The following GPR155 variants were observed in gnomAD, a reference collection of about 807,000 sequenced individuals.
The protein encoded by GPR155 is G protein-coupled receptor 155.
A neutral mutation model predicts 93.1 loss-of-function variants in GPR155; 65 were observed. That is an observed-to-expected ratio of 0.70 (90% CI 0.57 to 0.86). The LOEUF (loss-of-function observed/expected upper bound fraction) is 0.86. Ranked by LOEUF, GPR155 falls within the 40% of genes least tolerant of loss-of-function variation. GPR155 has a pLI of 0.00. For synonymous variants in GPR155, 319 were observed against 360.1 expected, an observed-to-expected ratio of 0.89 and a Z score of 1.29; for missense variants, 838 against 1,034.8, an observed-to-expected ratio of 0.81 and a Z score of 2.61.
chr2:174,480,187 A>T (rs1456225469), intron 2 of GPR155, among the ~76,000 whole-genome samples: 1 of 152,206 alleles, frequency 6.6e-6, no homozygotes, highest in African/African-American at 2.4e-5. Flanking sequence ...ATCATCAGAG[A>T]GGCCTTCATT....
At chr2:174,439,210 TCA>T (rs921970059) in intron 15 of GPR155, among the ~76,000 whole-genome samples, 1 of 152,180 alleles carries the variant, frequency 6.6e-6, no homozygotes, top group African/African-American at 2.4e-5. Context: ...TTTCATATTT[TCA>T]GTTATAGACA....
At position 174,470,385 on chromosome 2, in the gene GPR155, C is replaced by A. The variant is rs752258982; in HGVS notation, c.1026+5G>T. 1 of 1,606,748 alleles carries A rather than the reference C, an allele frequency of 6.2e-7. No homozygotes were observed. The highest frequency in any genetic ancestry group is 1.3e-5 in the African/African-American group (1 of 74,862). Reference sequence around the variant, plus strand: ...CATCAAACTTAGAAAGTACTATATACATACAATTTCTACTTCCATGTTGAA... The same window carrying A: ...CATCAAACTTAGAAAGTACTATATAAATACAATTTCTACTTCCATGTTGAA... On this transcript the variant is annotated splice_donor_5th_base_variant and intron_variant, in intron 4 of 15. Coordinates refer to ENST00000392552, the MANE Select transcript of GPR155 (RefSeq NM_152529.7).
intron 10 of GPR155, among the ~76,000 whole-genome samples, chr2:174,457,131 G>A (rs1467407900): frequency 1.3e-5 from 2 of 152,160 alleles, no homozygotes; most frequent in Non-Finnish European, 2.9e-5. Flanking sequence ...GGCCAACATG[G>A]TGAAAACCCA....
chr2:174,452,088 G>A (rs1023780890), intron 11 of GPR155, among the ~76,000 whole-genome samples: 2 of 151,988 alleles, frequency 1.3e-5, no homozygotes, highest in Non-Finnish European at 2.9e-5. Flanking sequence ...TGTGTAGGGA[G>A]ATAACAATAA....
chr2:174,480,802 C>T (rs1000863284), intron 2 of GPR155, among the ~76,000 whole-genome samples: 2 of 151,970 alleles, frequency 1.3e-5, no homozygotes, highest in Non-Finnish European at 2.9e-5. Context: ...CAGGGTCTCA[C>T]TCTGTCACCC....
chr2:174,472,134 G>A (rs181493470), intron 3 of GPR155, among the ~76,000 whole-genome samples: 5 of 152,226 alleles, frequency 3.3e-5, no homozygotes, highest in Admixed American at 1.3e-4. Flanking sequence ...GGCTGGGCAC[G>A]GTGGCTCATG....
intron 7 of GPR155, among the ~76,000 whole-genome samples, chr2:174,462,935 G>GGCAAA (rs1370347381): frequency 6.6e-6 from 1 of 152,036 alleles, no homozygotes; most frequent in Non-Finnish European, 1.5e-5. Flanking sequence ...TGGAAATGAG[G>GGCAAA]GTTTGCCCAA....
chr2:174,439,862 A>G (rs368957803), intron 15 of GPR155, 36 bp downstream of exon 15: 3 of 1,565,274 alleles, frequency 1.9e-6, no homozygotes, highest in African/African-American at 1.4e-5. Flanking sequence ...CATTTAAAAT[A>G]TAATTGTCTA....
intron 10 of GPR155, 88 bp from the exon 11 acceptor site, chr2:174,453,929 A>T (rs888143176): frequency 1.2e-6 from 1 of 835,326 alleles, no homozygotes; most frequent in Non-Finnish European, 2.1e-6. Context: ...ACAAAACAAA[A>T]TCCACTCACA....
At chr2:174,485,285 T>TA (rs1414170059) in intron 1 of GPR155, among the ~76,000 whole-genome samples, 1 of 151,440 alleles carries the variant, frequency 6.6e-6, no homozygotes, top group African/African-American at 2.4e-5. Flanking sequence ...GTTGAAAAAT[T>TA]AAAAAACAAA....
In GPR155 at chr2:174,432,759, C is replaced by A. The variant is rs1686671243; in HGVS notation, c.*3357G>T. The A allele has an allele frequency of 7.7e-6, 1 of 130,482 alleles. No individual in the cohort carries two copies. 8.1% of individuals were successfully genotyped at this position (130,482 alleles called of 1,614,324 possible). On this transcript the variant is annotated 3_prime_UTR_variant, in exon 16 of 16. Coordinates refer to ENST00000392552, the MANE Select transcript of GPR155 (RefSeq NM_152529.7). ...TTAATAAATATACTAGGCTTCCATGCAGGTTTTTTTTTTTTTTTTTTTGCG... is the reference window on the plus strand; with the variant it reads ...TTAATAAATATACTAGGCTTCCATGAAGGTTTTTTTTTTTTTTTTTTTGCG...
chr2:174,473,441 T>A, intron 2 of GPR155, 77 bp from the exon 3 acceptor site: 4 of 967,890 alleles, frequency 4.1e-6, no homozygotes, highest in Non-Finnish European at 6.2e-6. Context: ...ACATTTTCTG[T>A]ACTTTATAGC....
chr2:174,466,292 A>G (rs1294169386), intron 6 of GPR155, among the ~76,000 whole-genome samples: 1 of 152,186 alleles, frequency 6.6e-6, no homozygotes, highest in African/African-American at 2.4e-5. Flanking sequence ...ATTATTAATG[A>G]TTAAATTGTT....
chr2:174,481,870 A>G lies in GPR155; in HGVS notation c.87T>C (p.Asn29=). The G allele has an allele frequency of 6.2e-7, 1 of 1,614,158 alleles. No individual in the cohort carries two copies. The highest frequency in any genetic ancestry group is 8.5e-7 in the Non-Finnish European group (1 of 1,179,988). ...ACATTGAAGGTGGGTCATTAGTGGA[A>G]TTAAATCCATGCGTTACTGCTGTAG... ...TLPTAVTHGF[N]STNDPPSMSI... Residue 29 remains asparagine (N), a synonymous_variant, in exon 2 of 16, where the codon AAT becomes AAC. Coordinates refer to ENST00000392552, the MANE Select transcript of GPR155 (RefSeq NM_152529.7).
At chr2:174,470,673 A>G (rs868097650) in intron 3 of GPR155, 118 bp from the exon 4 acceptor site, 1 of 755,064 alleles carries the variant, frequency 1.3e-6, no homozygotes, top group Middle Eastern at 2.9e-4. Context: ...GTCTATTTGC[A>G]TGCACATATT....
intron 2 of GPR155, among the ~76,000 whole-genome samples, chr2:174,480,536 C>T (rs1465054409): frequency 6.6e-6 from 1 of 151,852 alleles, no homozygotes; most frequent in Non-Finnish European, 1.5e-5. Flanking sequence ...ACAGAGTGTT[C>T]TGAAATATAG....
At chr2:174,468,520 C>A (rs890109647) in intron 5 of GPR155, among the ~76,000 whole-genome samples, 1 of 152,170 alleles carries the variant, frequency 6.6e-6, no homozygotes, top group Non-Finnish European at 1.5e-5. Flanking sequence ...TATAGTGATT[C>A]ATCATTTGCA....
At chr2:174,479,393 T>C (rs1340758257) in intron 2 of GPR155, among the ~76,000 whole-genome samples, 2 of 152,324 alleles carry the variant, frequency 1.3e-5, no homozygotes, top group East Asian at 3.9e-4. Context: ...TGGCACATTA[T>C]GTAACTGCAT....
intron 2 of GPR155, among the ~76,000 whole-genome samples, chr2:174,476,184 A>G (rs1688161558): frequency 2.0e-5 from 3 of 152,214 alleles, no homozygotes; most frequent in Non-Finnish European, 1.5e-5. Flanking sequence ...TTACCAACCA[A>G]CATTCTCTTG....
Sources: gnomAD v4.1 joint callset for allele counts (sites outside exome capture counted in the v4.1 genomes callset) on GRCh38, gnomAD v4.1.1 for gene constraint, MANE v1.5 for transcripts, NCBI Gene and HGNC (gene_info 2026-07-23, HGNC 2026-07-21) for gene names.